Variants in ZMYM2 observed in about 807,000 individuals in gnomAD.
The protein encoded by ZMYM2 is zinc finger MYM-type containing 2, also known as zinc finger MYM-type protein 2.
In ZMYM2, 56 loss-of-function variants were observed where a neutral mutation model predicts 162.8. The observed-to-expected ratio is 0.34, with a 90% confidence interval of 0.28 to 0.43. ZMYM2 has a LOEUF of 0.43. ZMYM2 is among the 20% of genes least tolerant of loss of function. ZMYM2 has a pLI of 1.00. For synonymous variants in ZMYM2, 510 were observed against 541.6 expected, an observed-to-expected ratio of 0.94 and a Z score of 0.81; for missense variants, 1,275 against 1,621.8, an observed-to-expected ratio of 0.79 and a Z score of 3.67.
intron 2 of ZMYM2, among the ~76,000 whole-genome samples, chr13:19,968,475 T>G (rs1185397510): frequency 1.3e-5 from 2 of 152,228 alleles, no homozygotes; most frequent in Admixed American, 1.3e-4. Context: ...TTAGCTAGGC[T>G]GGTCTCGAAC....
chr13:19,907,913 T>A, the ZMYM2 span, among the ~76,000 whole-genome samples: 1 of 151,936 alleles, frequency 6.6e-6, no homozygotes. Context: ...TTGCATTTGC[T>A]TGTTTCATGG....
At chr13:20,006,905 C>T (rs1467771917) in intron 6 of ZMYM2, among the ~76,000 whole-genome samples, 1 of 152,152 alleles carries the variant, frequency 6.6e-6, no homozygotes, top group East Asian at 1.9e-4. Flanking sequence ...GTATTTTCAA[C>T]TTAGAATGGG....
At chr13:20,057,351 T>C (rs1955877714) in intron 14 of ZMYM2, among the ~76,000 whole-genome samples, 1 of 152,140 alleles carries the variant, frequency 6.6e-6, no homozygotes, top group African/African-American at 2.4e-5. Context: ...TTGGCCAGGC[T>C]GGTTTCGAAC....
intron 6 of ZMYM2, among the ~76,000 whole-genome samples, chr13:20,011,167 T>A (rs1951147603): frequency 6.6e-6 from 1 of 152,198 alleles, no homozygotes. Flanking sequence ...TATGGAACAA[T>A]AGAACTTACT....
chr13:20,006,465 T>G lies in ZMYM2; in HGVS notation c.1391T>G (p.Met464Arg). 1 of 1,613,128 alleles carries G rather than the reference T, an allele frequency of 6.2e-7. No individual in the cohort carries two copies. Among genetic ancestry groups the G allele is most frequent in the Non-Finnish European group, 8.5e-7 (1 of 1,179,452 alleles). The change falls in exon 6 of 25, where the codon ATG becomes AGG. Residue 464 changes from methionine (M) to arginine (R), a missense_variant. Coordinates refer to ENST00000610343, the MANE Select transcript of ZMYM2 (RefSeq NM_197968.4). ...TATAGAATGGCCAATGGTTTAATAATGAATTGCTGTGAACAGTGTGGAGAG... is the reference window on the plus strand; with the variant it reads ...TATAGAATGGCCAATGGTTTAATAAGGAATTGCTGTGAACAGTGTGGAGAG... ...NRYRMANGLI[M>R]NCCEQCGEYL... is the part of the protein sequence containing the mutation.
At chr13:20,030,262 G>T (rs1162132895) in intron 9 of ZMYM2, among the ~76,000 whole-genome samples, 2 of 141,892 alleles carry the variant, frequency 1.4e-5, no homozygotes, top group Admixed American at 1.5e-4. Context: ...ATGGAGTCTC[G>T]CTCTGTCACC....
the ZMYM2 span, among the ~76,000 whole-genome samples, chr13:19,918,282 T>C: frequency 6.6e-6 from 1 of 151,744 alleles, no homozygotes; most frequent in Non-Finnish European, 1.5e-5. Context: ...CTGTCTCTAC[T>C]AAAAATTCAA....
chr13:20,061,382 C>T (rs182752765), intron 17 of ZMYM2, among the ~76,000 whole-genome samples, 158 bp downstream of exon 17: 1 of 152,248 alleles, frequency 6.6e-6, no homozygotes, highest in Non-Finnish European at 1.5e-5. Context: ...GAGATCTACA[C>T]TGTATTTAGC....
At chr13:19,939,231 C>T in the ZMYM2 span, among the ~76,000 whole-genome samples, 1 of 151,632 alleles carries the variant, frequency 6.6e-6, no homozygotes, top group African/African-American at 2.4e-5. Flanking sequence ...ACCATGTTGC[C>T]CAGGCTGGTC....
chr13:20,068,460 A>G (rs1375066432), intron 21 of ZMYM2: 1 of 158,578 alleles, frequency 6.3e-6, no homozygotes, highest in Non-Finnish European at 1.4e-5. Context: ...AAACAAGTAC[A>G]GAGTGTTTAC....
chr13:19,983,413 T>C (rs1957525878), intron 2 of ZMYM2, among the ~76,000 whole-genome samples: 1 of 152,194 alleles, frequency 6.6e-6, no homozygotes. Flanking sequence ...CCCAAAGTGC[T>C]GGGATTACAG....
intron 23 of ZMYM2, 135 bp downstream of exon 23, chr13:20,083,167 A>C (rs746203771): frequency 4.5e-6 from 4 of 891,014 alleles, no homozygotes; most frequent in Admixed American, 3.0e-5. Context: ...GGTTCAAGCA[A>C]TTCTCCTCCC....
At chr13:19,973,741 G>T (rs1038581600) in intron 2 of ZMYM2, among the ~76,000 whole-genome samples, 1 of 151,776 alleles carries the variant, frequency 6.6e-6, no homozygotes, top group African/African-American at 2.4e-5. Context: ...AATACCATAG[G>T]GCAAGCTTGT....
At chr13:20,019,262 C>G (rs187867796) in intron 6 of ZMYM2, among the ~76,000 whole-genome samples, 1 of 152,230 alleles carries the variant, frequency 6.6e-6, no homozygotes, top group East Asian at 1.9e-4. Flanking sequence ...TGATTTTACT[C>G]AGAAATTAGA....
At chr13:19,915,476 T>C in the ZMYM2 span, among the ~76,000 whole-genome samples, 1 of 151,974 alleles carries the variant, frequency 6.6e-6, no homozygotes, top group Non-Finnish European at 1.5e-5. Flanking sequence ...ATGATGTTGG[T>C]ATTCTTGCTT....
the ZMYM2 span, among the ~76,000 whole-genome samples, chr13:19,912,497 TA>T: frequency 6.6e-6 from 1 of 151,934 alleles, no homozygotes. Flanking sequence ...CACATCCAGC[TA>T]CTTTTTTGTA....
chr13:20,015,918 A>G (rs1951585971), intron 6 of ZMYM2, among the ~76,000 whole-genome samples: 1 of 152,066 alleles, frequency 6.6e-6, no homozygotes, highest in South Asian at 2.1e-4. Context: ...ATGTACATGG[A>G]TCAAATTATC....
At chr13:19,890,420 G>A in the ZMYM2 span, among the ~76,000 whole-genome samples, 1 of 145,106 alleles carries the variant, frequency 6.9e-6, no homozygotes, top group Non-Finnish European at 1.5e-5. Flanking sequence ...CTCCTGCCTC[G>A]GCCTCCTAAA....
At chr13:19,951,133 C>G in the ZMYM2 span, among the ~76,000 whole-genome samples, 1 of 152,260 alleles carries the variant, frequency 6.6e-6, no homozygotes, top group South Asian at 2.1e-4. Context: ...ATTGGACACC[C>G]ACGCTCTAAA....
Sources: gnomAD v4.1 joint callset for allele counts (sites outside exome capture counted in the v4.1 genomes callset) on GRCh38, gnomAD v4.1.1 for gene constraint, MANE v1.5 for transcripts, NCBI Gene and HGNC (gene_info 2026-07-23, HGNC 2026-07-21) for gene names.